The following PAH variants were observed in gnomAD, a reference collection of about 807,000 sequenced individuals.
PAH encodes the protein phenylalanine hydroxylase.
In PAH, 64 loss-of-function variants were observed where a neutral mutation model predicts 62.0. The observed-to-expected ratio is 1.03, with a 90% CI of 0.84 to 1.27. The LOEUF is 1.27. PAH is among the 50% of genes most tolerant of loss of function. The pLI, the probability that PAH is intolerant of heterozygous loss-of-function variation, is 0.00. For synonymous variants in PAH, 195 were observed against 196.2 expected (o/e 0.99, Z 0.05); for missense variants, 579 against 542.8 (o/e 1.07, Z -0.66).
At position 102,909,632 on chromosome 12, in the gene PAH, T is replaced by C. The variant is rs530179243; in HGVS notation, c.168+3159A>G. ...TTTCTCTACTTATTCATATATTTGA[T>C]CACAAGATTTAATTATATTTAAAAA... On this transcript the variant is annotated intron_variant, in intron 2 of 12. Transcript: ENST00000553106. Among the ~76,000 whole-genome samples the C allele has an allele frequency of 3.3e-5, 5 of 152,326 alleles. No individual in the cohort carries two copies. In the South Asian group the frequency reaches 1.0e-3, roughly 32 times the overall value.
chr12:102,851,579 T>C (rs2136644682), intron 8 of PAH, 108 bp downstream of exon 8: 1 of 868,624 alleles, frequency 1.2e-6, no homozygotes, highest in East Asian at 2.5e-5. Context: ...GAACTGTACC[T>C]GGTTTCCGCT....
intron 5 of PAH, among the ~76,000 whole-genome samples, chr12:102,856,909 T>G (rs1483841858): frequency 1.3e-5 from 2 of 152,076 alleles, no homozygotes; most frequent in South Asian, 4.1e-4. Context: ...AGCTGAAAAT[T>G]CTAAAAATCA....
chr12:102,861,810 AT>A (rs1370722911), intron 5 of PAH, among the ~76,000 whole-genome samples: 1 of 152,100 alleles, frequency 6.6e-6, no homozygotes, highest in Non-Finnish European at 1.5e-5. Context: ...GAAGGGGAAC[AT>A]CACACACGGG....
upstream of PAH, among the ~76,000 whole-genome samples, chr12:102,954,156 G>A (rs1329371084): frequency 2.6e-5 from 4 of 152,264 alleles, no homozygotes; most frequent in Non-Finnish European, 2.9e-5. Flanking sequence ...CCCCTTGCAT[G>A]TGGAGGCCAC....
chr12:102,955,772 A>T (rs117048437), upstream of PAH, among the ~76,000 whole-genome samples: 75 of 152,090 alleles, frequency 4.9e-4, no homozygotes, highest in East Asian at 0.013. Context: ...TTGGTCAGGG[A>T]TGTGGAGAAA....
At chr12:102,870,101 G>A (rs962575701) in intron 4 of PAH, among the ~76,000 whole-genome samples, 2 of 152,164 alleles carry the variant, frequency 1.3e-5, no homozygotes, top group Admixed American at 6.5e-5. Flanking sequence ...TGCAAGTCAT[G>A]ACATCAACTG....
chr12:102,931,710 C>A (rs17842948), intron 1 of PAH, among the ~76,000 whole-genome samples: 2,001 of 152,272 alleles, frequency 0.013, 27 homozygotes, highest in Middle Eastern at 0.027. Flanking sequence ...ACCCTGTTGA[C>A]ATTCTGGTTT....
At position 102,957,560 on chromosome 12, in the gene PAH, G is replaced by C. The variant is rs897042761; in HGVS notation, c.-96+635C>G. On this transcript the variant is annotated intron_variant, in intron 1 of 4. Transcript: ENST00000551337. The surrounding 1 kb of genome is among the most constrained non-coding windows in gnomAD (Gnocchi z 4.1). ...GAGGAAGAGGTAAGAGGAGGGGGGGGAGTGGGGGCTGCAGCCGCTCGCTGC... is the reference window on the plus strand; with the variant it reads ...GAGGAAGAGGTAAGAGGAGGGGGGGCAGTGGGGGCTGCAGCCGCTCGCTGC... The C allele has an allele frequency of 2.0e-5, 3 of 147,952 alleles. No individual in the cohort carries two copies. Among genetic ancestry groups the C allele is most frequent in the Non-Finnish European group, 4.5e-5 (3 of 66,536 alleles). 9.2% of individuals were successfully genotyped at this position (147,952 alleles called of 1,614,324 possible). A position where few individuals can be genotyped will look rare whatever the true frequency, so the allele number is the denominator to read the frequency against.
chr12:102,890,619 T>G (rs1411760982), intron 3 of PAH, among the ~76,000 whole-genome samples: 1 of 152,232 alleles, frequency 6.6e-6, no homozygotes, highest in African/African-American at 2.4e-5. Context: ...TTTAAAGGGT[T>G]GGTCTTAGCT....
At chr12:102,848,082 G>C (rs1447331298) in intron 8 of PAH, among the ~76,000 whole-genome samples, 1 of 152,224 alleles carries the variant, frequency 6.6e-6, no homozygotes, top group Non-Finnish European at 1.5e-5. Context: ...GTAATGAGCA[G>C]ATAGATGGTC....
At chr12:102,868,509 G>A (rs1876161855) in intron 4 of PAH, among the ~76,000 whole-genome samples, 1 of 151,842 alleles carries the variant, frequency 6.6e-6, no homozygotes, top group Non-Finnish European at 1.5e-5. Flanking sequence ...TTATGACACG[G>A]TTATTGCAAA....
chr12:102,843,624 C>T (rs749467239), intron 11 of PAH, 22 bp downstream of exon 11: 2 of 1,613,140 alleles, frequency 1.2e-6, no homozygotes, highest in Admixed American at 1.7e-5. Flanking sequence ...GAGCTAGTGG[C>T]TCACCTTTGT....
intron 5 of PAH, among the ~76,000 whole-genome samples, chr12:102,862,985 G>A (rs924425661): frequency 5.3e-5 from 8 of 151,322 alleles, no homozygotes; most frequent in South Asian, 2.1e-4. Context: ...CCAAGAACGC[G>A]CCATTATCGA....
chr12:102,889,534 G>GGACAGATAGATAGATAGATAGATAGAGA (rs75657447), intron 3 of PAH, among the ~76,000 whole-genome samples: 1 of 150,434 alleles, frequency 6.6e-6, no homozygotes, highest in Non-Finnish European at 1.5e-5. Context: ...ATAGATAGAC[G>GGACAGATAGATAGATAGATAGATAGAGA]GATAGATAGA....
chr12:102,920,580 C>G (rs1018436887), upstream of PAH, among the ~76,000 whole-genome samples: 1 of 152,192 alleles, frequency 6.6e-6, no homozygotes, highest in South Asian at 2.1e-4. Context: ...AGAAACAAAA[C>G]CTACATGACC....
intron 1 of PAH, among the ~76,000 whole-genome samples, chr12:102,926,406 C>T (rs1159263187): frequency 6.6e-6 from 1 of 151,402 alleles, no homozygotes; most frequent in Non-Finnish European, 1.5e-5. Context: ...ATACATAAGC[C>T]AGTTGTTGGG....
chr12:102,901,677 G>A (rs1354084467), intron 2 of PAH, among the ~76,000 whole-genome samples: 2 of 152,094 alleles, frequency 1.3e-5, no homozygotes, highest in African/African-American at 4.8e-5. Flanking sequence ...TGGCAAGGGA[G>A]AACTTCTTGG....
At chr12:102,884,912 CATT>C (rs902369855) in intron 3 of PAH, among the ~76,000 whole-genome samples, 1 of 152,168 alleles carries the variant, frequency 6.6e-6, no homozygotes, top group Admixed American at 6.5e-5. Flanking sequence ...AGGTGGTAGA[CATT>C]ATTGCTGTTC....
At chr12:102,854,953 A>G (rs1214310146) in intron 6 of PAH, 183 bp downstream of exon 6, 1 of 675,476 alleles carries the variant, frequency 1.5e-6, no homozygotes, top group Non-Finnish European at 2.7e-6. Flanking sequence ...TAAACACAGT[A>G]GGGGCTGGAG....
Sources: allele counts gnomAD v4.1 joint callset (sites outside exome capture counted in the v4.1 genomes callset), GRCh38; gene constraint gnomAD v4.1.1; non-coding constraint Gnocchi (gnomAD v3.1); transcripts MANE v1.5; gene names NCBI Gene and HGNC (gene_info 2026-07-23, HGNC 2026-07-21).